Variants in SOX13 observed in about 807,000 individuals in gnomAD.
SOX13 encodes the protein transcription factor SOX-13.
A neutral mutation model predicts 71.8 loss-of-function variants in SOX13; 28 were observed. That is an observed-to-expected ratio of 0.39 (90% CI 0.29 to 0.53). SOX13 has a LOEUF of 0.53. SOX13 is among the 20% of genes least tolerant of loss of function. The pLI is 0.70. For synonymous variants in SOX13, 309 were observed against 317.8 expected (o/e 0.97, Z 0.29); for missense variants, 627 against 810.3 (o/e 0.77, Z 2.75).
chr1:204,096,746 T>C (rs1219213583), intron 1 of SOX13, among the ~76,000 whole-genome samples: 3 of 152,120 alleles, frequency 2.0e-5, no homozygotes, highest in Non-Finnish European at 2.9e-5. Flanking sequence ...GATGAGGTTT[T>C]TCCATGTTGC....
At chr1:204,107,492 G>A (rs1434192077) in intron 1 of SOX13, among the ~76,000 whole-genome samples, 4 of 151,974 alleles carry the variant, frequency 2.6e-5, no homozygotes, top group Admixed American at 6.6e-5. Context: ...TCATGGGACC[G>A]TCGCTCCCCT....
At chr1:204,085,340 G>A (rs960122915) in intron 1 of SOX13, among the ~76,000 whole-genome samples, 19 of 152,330 alleles carry the variant, frequency 1.2e-4, no homozygotes, top group Admixed American at 5.2e-4. Flanking sequence ...ATGGTGAAAT[G>A]TAAAGATGTA....
Position 204,109,427 on chromosome 1 carries a change from A to G in SOX13, c.-1-3488A>G, listed in dbSNP as rs74684714. On this transcript the variant is annotated intron_variant, in intron 1 of 13. Coordinates refer to ENST00000367204, the MANE Select transcript of SOX13 (RefSeq NM_005686.3). Reference sequence around the variant, plus strand: ...TTTGCTGTAGCTTTTCTATATTTGGATGTTTGGATACACAAATACTTAACC... The same window carrying G: ...TTTGCTGTAGCTTTTCTATATTTGGGTGTTTGGATACACAAATACTTAACC... Among the ~76,000 whole-genome samples, 423 of 152,248 alleles carry G rather than the reference A, an allele frequency of 2.8e-3. 5 individuals carry two copies. Among genetic ancestry groups the G allele is most frequent in the East Asian group, 0.026 (134 of 5,186 alleles).
At chr1:204,124,069 C>T (rs1656869252) in intron 12 of SOX13, among the ~76,000 whole-genome samples, 1 of 152,172 alleles carries the variant, frequency 6.6e-6, no homozygotes, top group South Asian at 2.1e-4. Flanking sequence ...CTGATCTAAA[C>T]CTAACCTGTT....
At chr1:204,085,282 T>C (rs1655992889) in intron 1 of SOX13, among the ~76,000 whole-genome samples, 2 of 152,226 alleles carry the variant, frequency 1.3e-5, no homozygotes, top group East Asian at 1.9e-4. Context: ...AGCCTAACCA[T>C]AGAGATGATA....
At chr1:204,100,789 G>A (rs1302395705) in intron 1 of SOX13, among the ~76,000 whole-genome samples, 2 of 152,202 alleles carry the variant, frequency 1.3e-5, no homozygotes, top group African/African-American at 2.4e-5. Context: ...TGTGTTAGGG[G>A]AGCTGGTGGT....
At chr1:204,108,611 G>A (rs1656515823) in intron 1 of SOX13, among the ~76,000 whole-genome samples, 1 of 152,244 alleles carries the variant, frequency 6.6e-6, no homozygotes, top group African/African-American at 2.4e-5. Context: ...CTGAAGTTGG[G>A]ACAGAATGAA....
At position 204,123,222 on chromosome 1, in the gene SOX13, C is replaced by T. The variant is rs371855485; in HGVS notation, c.1231+14C>T. The T allele has an allele frequency of 1.3e-5, 21 of 1,602,020 alleles. No homozygotes were observed. In the Admixed American group the frequency reaches 1.3e-4, roughly 10 times the overall value. On this transcript the variant is annotated intron_variant, in intron 11 of 13. Transcript: ENST00000367204. The surrounding 1 kb of genome is among the most constrained non-coding windows in gnomAD (Gnocchi z 5.0). ...GCGACATGGATGGTGAGGGCTCAGGCGCAGGGCTGATGCGCAGGAGGGCCC... is the reference window on the plus strand; with the variant it reads ...GCGACATGGATGGTGAGGGCTCAGGTGCAGGGCTGATGCGCAGGAGGGCCC...
rs1474548392 is a variant in SOX13, at chr1:204,073,616, G to T, written c.-97G>T. The T allele has an allele frequency of 6.6e-6, 1 of 151,856 alleles. No homozygotes were observed. The highest frequency in any genetic ancestry group is 2.0e-4 in the East Asian group (1 of 5,068). The allele number at this position is 151,856 out of a possible 1,614,324, so 9.4% of individuals were successfully genotyped here. ...GCCGCGTCGCGGGGGCATGTGAGCG[G>T]GAAGCCTAGGCTGCCAGCCGCGAGG... On this transcript the variant is annotated 5_prime_UTR_variant, in exon 1 of 14. Transcript: ENST00000367204. This position sits in a 1 kb window ranked among gnomAD's most constrained non-coding sequence, Gnocchi z 6.8.
At chr1:204,122,831 C>T in intron 9 of SOX13, 23 bp from the exon 10 acceptor site, 1 of 1,446,600 alleles carries the variant, frequency 6.9e-7, no homozygotes, top group Non-Finnish European at 9.4e-7. Flanking sequence ...CTTCTCTTCC[C>T]TCTCTTCTGC....
At chr1:204,089,848 G>A (rs944266949) in intron 1 of SOX13, among the ~76,000 whole-genome samples, 1 of 152,220 alleles carries the variant, frequency 6.6e-6, no homozygotes, top group African/African-American at 2.4e-5. Context: ...ACGTAAGTTG[G>A]TCTCATTCTT....
intron 1 of SOX13, among the ~76,000 whole-genome samples, chr1:204,089,400 T>A (rs1656095175): frequency 6.6e-6 from 1 of 152,154 alleles, no homozygotes; most frequent in Non-Finnish European, 1.5e-5. Context: ...CCCACTCTCA[T>A]GCCCGCCGGC....
intron 1 of SOX13, among the ~76,000 whole-genome samples, chr1:204,098,205 C>T (rs1057021664): frequency 3.3e-5 from 5 of 152,144 alleles, no homozygotes; most frequent in Admixed American, 1.3e-4. Flanking sequence ...TGGCTGAACA[C>T]GGTGGCTCAT....
intron 1 of SOX13, among the ~76,000 whole-genome samples, chr1:204,093,570 G>A (rs1656188856): frequency 6.6e-6 from 1 of 152,242 alleles, no homozygotes; most frequent in Non-Finnish European, 1.5e-5. Flanking sequence ...GTGGCATCCA[G>A]GCCCAGAGAA....
chr1:204,098,496 T>C (rs751578812), intron 1 of SOX13, among the ~76,000 whole-genome samples: 5 of 151,920 alleles, frequency 3.3e-5, no homozygotes, highest in Non-Finnish European at 5.9e-5. Context: ...ATTTTGTTGT[T>C]GTTGTTGTTG....
rs3737659 is a variant in SOX13 at position 204,126,559 on chromosome 1, C to A, written c.*425C>A. 21,873 of 217,306 alleles carry A rather than the reference C, an allele frequency of 0.1. 1,637 individuals carry two copies. Among genetic ancestry groups the A allele is most frequent in the East Asian group, 0.37 (3,328 of 9,108 alleles). The allele number at this position is 217,306 out of a possible 1,614,324, so 13.5% of individuals were successfully genotyped here. A position where few individuals can be genotyped will look rare whatever the true frequency, so the allele number is the denominator to read the frequency against. On this transcript the variant is annotated 3_prime_UTR_variant, in exon 14 of 14. Coordinates refer to ENST00000367204, the MANE Select transcript of SOX13 (RefSeq NM_005686.3). ...CCCTCCCACACTCCCCCAGACTGCT[C>A]GTCTATCACCAGGATCGCTTTGTAC... is the stretch of plus-strand genomic sequence containing the variant.
rs200311750 is a variant in SOX13 at position 204,099,424 on chromosome 1, C to CTTT, written c.-1-13470_-1-13468dup. Among the ~76,000 whole-genome samples the CTTT allele has an allele frequency of 9.5e-3, 885 of 93,442 alleles. 5 individuals carry two copies. The highest frequency in any genetic ancestry group is 0.021 in the Middle Eastern group (2 of 94). The allele number at this position is 93,442 out of a possible 152,430, so 61.3% of individuals were successfully genotyped here. A position where few individuals can be genotyped will look rare whatever the true frequency, so the allele number is the denominator to read the frequency against. On this transcript the variant is annotated intron_variant, in intron 1 of 13. Transcript: ENST00000367204. Reference sequence around the variant, plus strand: ...TTGGTGTCTCAGTGTCTTTTTCTGGCTTTTTTTTTTTTTTTTTTTTTTTGA... The same window carrying CTTT: ...TTGGTGTCTCAGTGTCTTTTTCTGGCTTTTTTTTTTTTTTTTTTTTTTTTTTGA...
intron 1 of SOX13, among the ~76,000 whole-genome samples, chr1:204,112,252 C>G (rs1030706158): frequency 1.3e-5 from 2 of 152,084 alleles, no homozygotes; most frequent in African/African-American, 4.8e-5. Flanking sequence ...ACCAGCTTGG[C>G]CAACATGGCA....
chr1:204,098,844 C>T (rs560202880), intron 1 of SOX13, among the ~76,000 whole-genome samples: 6 of 152,336 alleles, frequency 3.9e-5, no homozygotes, highest in South Asian at 2.1e-4. Context: ...GGCCTTGAGT[C>T]ACCTTGTCTC....
Sources: allele counts gnomAD v4.1 joint callset (sites outside exome capture counted in the v4.1 genomes callset), GRCh38; gene constraint gnomAD v4.1.1; non-coding constraint Gnocchi (gnomAD v3.1); transcripts MANE v1.5; gene names NCBI Gene and HGNC (gene_info 2026-07-23, HGNC 2026-07-21).